The following KCNN2 variants were observed in gnomAD, a reference collection of about 807,000 sequenced individuals.
KCNN2 encodes potassium calcium-activated channel subfamily N member 2.
Under a neutral mutation model 55.5 loss-of-function variants are expected in KCNN2, and 24 were observed. The observed-to-expected ratio is 0.43, with a 90% CI of 0.31 to 0.61. The LOEUF (loss-of-function observed/expected upper bound fraction) is 0.61, where lower values mean the gene tolerates loss of function less well. Ranked by LOEUF, KCNN2 falls within the 20% of genes least tolerant of loss-of-function variation. The probability of loss-of-function intolerance (pLI) is 0.08; values close to 1 mark genes in which losing one functional copy is unlikely to be tolerated. For missense variants in KCNN2, 754 were observed against 853.6 expected (o/e 0.88, Z 1.45); for synonymous variants, 431 against 336.1 (o/e 1.28, Z -3.09).
chr5:114,264,972 C>A (rs10455027), intron 2 of KCNN2, among the ~76,000 whole-genome samples: 33,754 of 152,108 alleles, frequency 0.22, 3,812 homozygotes, highest in Middle Eastern at 0.34. Context: ...TTTGTGTCTA[C>A]CATTTAATTT....
At chr5:114,467,443 T>G (rs77785770) in intron 4 of KCNN2, among the ~76,000 whole-genome samples, 4,966 of 152,276 alleles carry the variant, frequency 0.033, 89 homozygotes, top group Middle Eastern at 0.041. Flanking sequence ...AATTTGACAT[T>G]GGGTGTTTAA....
rs1178723158 is a variant in KCNN2 at position 114,241,806 on chromosome 5, G to GTA, written c.-185+20253_-185+20254dup. ...TACGTATATATATGTATATATATAC[G>GTA]TATATATATATATGTGTGTATATAT... On this transcript the variant is annotated intron_variant, in intron 2 of 10. Coordinates refer to the KCNN2 transcript ENST00000512097. Among the ~76,000 whole-genome samples the GTA allele has an allele frequency of 1.2e-3, 8 of 6,482 alleles. 3 individuals are homozygous for GTA. Among genetic ancestry groups the GTA allele is most frequent in the East Asian group, 0.031 (2 of 64 alleles). The allele number at this position is 6,482 out of a possible 152,430, so 4.3% of individuals were successfully genotyped here.
At chr5:114,112,474 A>G (rs1751619781) in intron 1 of KCNN2, among the ~76,000 whole-genome samples, 1 of 152,190 alleles carries the variant, frequency 6.6e-6, no homozygotes, top group Non-Finnish European at 1.5e-5. Context: ...ACCAAAGTAT[A>G]ATAAAAAATA....
At chr5:114,283,585 T>A (rs1192149364) in intron 2 of KCNN2, among the ~76,000 whole-genome samples, 2 of 152,208 alleles carry the variant, frequency 1.3e-5, no homozygotes, top group African/African-American at 4.8e-5. Flanking sequence ...TTTGTATGTC[T>A]CTTATTGTCC....
At chr5:114,463,568 G>T (rs1761307320) in intron 4 of KCNN2, among the ~76,000 whole-genome samples, 1 of 152,100 alleles carries the variant, frequency 6.6e-6, no homozygotes, top group Non-Finnish European at 1.5e-5. Context: ...CTTGAAATGT[G>T]TTGAAGGGTA....
chr5:114,211,006 A>G (rs1406432034), intron 1 of KCNN2, among the ~76,000 whole-genome samples: 2 of 152,162 alleles, frequency 1.3e-5, no homozygotes, highest in Non-Finnish European at 2.9e-5. Context: ...AATCAAAACA[A>G]CAAGATACCA....
At chr5:114,384,872 C>CACTT (rs1758228750) in intron 2 of KCNN2, among the ~76,000 whole-genome samples, 1 of 152,160 alleles carries the variant, frequency 6.6e-6, no homozygotes, top group Non-Finnish European at 1.5e-5. Flanking sequence ...CATTTGCCAT[C>CACTT]ACTTTCTGCC....
At chr5:114,448,786 C>T (rs538227921) in intron 3 of KCNN2, among the ~76,000 whole-genome samples, 8 of 152,234 alleles carry the variant, frequency 5.3e-5, no homozygotes, top group Non-Finnish European at 1.0e-4. Context: ...GTTTGTTCTA[C>T]GTAGGAATTT....
chr5:114,290,026 G>A (rs1755850113), intron 2 of KCNN2, among the ~76,000 whole-genome samples: 1 of 152,056 alleles, frequency 6.6e-6, no homozygotes, highest in Admixed American at 6.6e-5. Flanking sequence ...CTGCAACTTT[G>A]CTGAATTAGT....
chr5:114,329,046 C>A (rs970526045), intron 2 of KCNN2, among the ~76,000 whole-genome samples: 5 of 152,164 alleles, frequency 3.3e-5, no homozygotes, highest in Non-Finnish European at 5.9e-5. Context: ...GCCTTGTAAC[C>A]AATCTTTGTG....
intron 5 of KCNN2, among the ~76,000 whole-genome samples, chr5:114,480,163 A>C (rs935637671): frequency 1.3e-5 from 2 of 152,162 alleles, no homozygotes; most frequent in African/African-American, 4.8e-5. Context: ...AATAAACACT[A>C]TGATAAGGGG....
intron 2 of KCNN2, among the ~76,000 whole-genome samples, chr5:114,276,038 T>C (rs1755481127): frequency 6.6e-6 from 1 of 152,198 alleles, no homozygotes; most frequent in South Asian, 2.1e-4. Flanking sequence ...GTCTTTGTTC[T>C]CATTGGTTTC....
chr5:114,368,097 T>C (rs1366832444), intron 2 of KCNN2, among the ~76,000 whole-genome samples: 1 of 152,158 alleles, frequency 6.6e-6, no homozygotes, highest in Non-Finnish European at 1.5e-5. Flanking sequence ...ATCCATGGGT[T>C]CTGCATCAGC....
chr5:114,299,808 C>T (rs1756114632), intron 2 of KCNN2, among the ~76,000 whole-genome samples: 1 of 152,140 alleles, frequency 6.6e-6, no homozygotes, highest in South Asian at 2.1e-4. Flanking sequence ...CCATGGCAAC[C>T]CAGTTAGGTT....
intron 2 of KCNN2, among the ~76,000 whole-genome samples, chr5:114,380,448 A>G (rs1406272392): frequency 1.3e-5 from 2 of 152,206 alleles, no homozygotes; most frequent in Non-Finnish European, 2.9e-5. Context: ...AGAGCATCAA[A>G]GAGAAAGGGA....
rs74364474 is a variant in KCNN2, at chr5:114,374,250, G to A, written c.1218+10249G>A. On this transcript the variant is annotated intron_variant, in intron 2 of 7. Coordinates refer to ENST00000673685, the MANE Select transcript of KCNN2 (RefSeq NM_021614.4). ...GACCCTGGTGACTTAAAAGAGTTAAGTGAAGCACTCCTAAAAGTAAGCAAG... is the reference window on the plus strand; with the variant it reads ...GACCCTGGTGACTTAAAAGAGTTAAATGAAGCACTCCTAAAAGTAAGCAAG... Among the ~76,000 whole-genome samples, 675 of 152,242 alleles carry A rather than the reference G, an allele frequency of 4.4e-3. 8 individuals are homozygous for A. The highest frequency in any genetic ancestry group is 0.015 in the African/African-American group (629 of 41,550).
intron 2 of KCNN2, among the ~76,000 whole-genome samples, chr5:114,378,785 C>T (rs1475479145): frequency 1.3e-5 from 2 of 151,988 alleles, no homozygotes; most frequent in African/African-American, 4.8e-5. Context: ...GTGACACTGT[C>T]GGTGTGGCTT....
At chr5:114,096,661 C>T (rs1751261571) in intron 1 of KCNN2, among the ~76,000 whole-genome samples, 1 of 152,102 alleles carries the variant, frequency 6.6e-6, no homozygotes, top group African/African-American at 2.4e-5. Context: ...TGGTACTCCT[C>T]CTGTGTTCCA....
rs148938366 is a variant in KCNN2 at position 114,196,556 on chromosome 5, C to T, written c.-270-24924C>T. The stretch of plus-strand genomic sequence containing the variant: ...TCCATTTTTGGCTTGTTGAGATTTT[C>T]TCTTTTTTCTTGAGTTAGATTGGGT... On this transcript the variant is annotated intron_variant, in intron 1 of 10. Transcript: ENST00000512097. 7.4e-4 allele frequency among the ~76,000 whole-genome samples: 112 copies of T among 151,938 alleles called. 1 individual carries two copies. Among genetic ancestry groups the T allele is most frequent in the Admixed American group, 2.9e-3 (45 of 15,264 alleles).
Sources: allele counts gnomAD v4.1 joint callset (sites outside exome capture counted in the v4.1 genomes callset), GRCh38; gene constraint gnomAD v4.1.1; transcripts MANE v1.5; gene names NCBI Gene and HGNC (gene_info 2026-07-23, HGNC 2026-07-21).